Variants in SGSH observed in about 807,000 individuals in gnomAD.
SGSH encodes the protein heparan sulfate sulfatase.
A neutral mutation model predicts 51.0 loss-of-function variants in SGSH; 48 were observed. The observed-to-expected ratio is 0.94, with a 90% CI of 0.75 to 1.20. The LOEUF (loss-of-function observed/expected upper bound fraction) is 1.20. Ranked by LOEUF, SGSH falls within the 50% of genes most tolerant of loss-of-function variation. SGSH has a pLI of 0.00. For missense variants in SGSH, 662 were observed against 717.8 expected (o/e 0.92, Z 0.89); for synonymous variants, 321 against 313.4 (o/e 1.02, Z -0.26).
chr17:80,216,221 C>T (rs892721769), intron 2 of SGSH, among the ~76,000 whole-genome samples: 5 of 151,840 alleles, frequency 3.3e-5, no homozygotes, highest in African/African-American at 7.3e-5. Flanking sequence ...CCCAGCTACT[C>T]GGGAGGCTGA....
At chr17:80,204,370 C>T (rs375757170), downstream of SGSH, 85 of 1,524,320 alleles carry the variant, frequency 5.6e-5, no homozygotes, top group East Asian at 1.3e-3. Context: ...GCACAGGGGC[C>T]ACTGGCTCCA....
downstream of SGSH, chr17:80,203,510 T>G: frequency 4.5e-5 from 13 of 291,246 alleles, no homozygotes; most frequent in East Asian, 1.9e-4. The surrounding 1 kb of genome is among the most constrained non-coding windows in gnomAD (Gnocchi z 4.6). Flanking sequence ...GGACCCACCA[T>G]GAATATTGAG....
chr17:80,216,848 G>A (rs1342507174), intron 2 of SGSH, 184 bp downstream of exon 2: 1 of 619,438 alleles, frequency 1.6e-6, no homozygotes, highest in African/African-American at 1.8e-5. Context: ...GCCAGGGCTG[G>A]CGGGTGAGTC....
chr17:80,214,904 C>A, intron 3 of SGSH, 129 bp downstream of exon 3: 1 of 1,312,388 alleles, frequency 7.6e-7, no homozygotes, highest in East Asian at 2.4e-5. Context: ...GGCCCAGATC[C>A]TTTGGGACAA....
In SGSH at chr17:80,217,134, G is replaced by C. The variant is rs780614886; in HGVS notation, c.147C>G (p.His49Gln). 6.2e-6 allele frequency: 10 copies of C among 1,601,260 alleles called. No individual in the cohort carries two copies. Among genetic ancestry groups the C allele is most frequent in the Non-Finnish European group, 8.5e-6 (10 of 1,175,952 alleles). ...GGCTGCGGCGGGCCAAGGCGTCCAG[G>C]TGCGGGGTGGCGATGGCGCTGTTGT... ...AYNNSAIATPHLDALARRSLL... is the reference protein window; with the variant it reads ...AYNNSAIATPQLDALARRSLL... Residue 49 changes from histidine to glutamine, a missense_variant, in exon 2 of 8, where the codon CAC (histidine) becomes CAG (glutamine). Physicochemically the swap from His to Gln is conservative, Grantham distance 24. Transcript: ENST00000326317.
intron 1 of SGSH, among the ~76,000 whole-genome samples, chr17:80,217,779 G>A (rs955589015): frequency 4.7e-5 from 7 of 149,738 alleles, no homozygotes; most frequent in African/African-American, 1.5e-4. Context: ...GGGATGATGC[G>A]TGGTTGGTAT....
At position 80,210,533 on chromosome 17, in the gene SGSH, G is replaced by A. The variant is rs139460639; in HGVS notation, c.1428C>T (p.His476=). 1.7e-4 allele frequency: 270 copies of A among 1,611,568 alleles called. No homozygotes were observed. In the African/African-American group the frequency reaches 1.9e-3, roughly 11 times the overall value. ...DQLAKWQWET[H]DPWVCAPDGV... is the part of the protein sequence containing the mutation. ...CGTCGGGGGCGCACACCCAGGGGTCGTGGGTCTCCCACTGCCACTTGGCCA... is the reference window on the plus strand; with the variant it reads ...CGTCGGGGGCGCACACCCAGGGGTCATGGGTCTCCCACTGCCACTTGGCCA... Residue 476 remains histidine (H), a synonymous_variant, in exon 8 of 8, where the codon CAC becomes CAT. Transcript: ENST00000326317.
chr17:80,205,674 G>T, downstream of SGSH: 1 of 1,518,346 alleles, frequency 6.6e-7, no homozygotes. Context: ...GGCGGGGTGG[G>T]CAGGGGAGCT....
chr17:80,214,744 A>AC lies in SGSH; in HGVS notation c.376dup (p.Val126GlyfsTer10), dbSNP rs1555621971. On this transcript the variant is annotated frameshift_variant, in exon 4 of 8. Coordinates refer to ENST00000326317, the MANE Select transcript of SGSH (RefSeq NM_000199.5). LOFTEE classifies it high-confidence loss of function. ...AAACGGGTACACGGTCTCCGGCCCC[A>AC]CGTGCTTCTTCCCGATGATGCCTGG... 7 of 1,612,472 alleles carry AC rather than the reference A, an allele frequency of 4.3e-6. No homozygotes were observed. Among genetic ancestry groups the AC allele is most frequent in the Non-Finnish European group, 5.9e-6 (7 of 1,180,014 alleles).
downstream of SGSH, chr17:80,203,747 C>G: frequency 8.5e-7 from 1 of 1,170,572 alleles, no homozygotes; most frequent in Middle Eastern, 2.4e-4. The surrounding 1 kb of genome is among the most constrained non-coding windows in gnomAD (Gnocchi z 4.6). Flanking sequence ...CCCCCACTCT[C>G]CCCTGCTCGG....
At chr17:80,208,119 C>G (rs111745899), downstream of SGSH, 291 of 1,501,216 alleles carry the variant, frequency 1.9e-4, 1 homozygote, top group African/African-American at 2.0e-3. Context: ...CCCGCCCCCC[C>G]CAACTCTGGC....
chr17:80,207,205 G>T, downstream of SGSH: 3 of 642,954 alleles, frequency 4.7e-6, no homozygotes, highest in Non-Finnish European at 7.9e-6. Context: ...GCGCTGACAG[G>T]GCCGTTTCCG....
chr17:80,210,712 C>T lies in SGSH; in HGVS notation c.1249G>A (p.Ala417Thr). Residue 417 changes from alanine (A) to threonine (T), a missense_variant, in exon 8 of 8, where the codon GCT (alanine) becomes ACT (threonine). By Grantham distance (58) the Ala-to-Thr change is moderately conservative (BLOSUM62 0). Transcript: ENST00000326317. ...TTGTACCAGCCCGTGGGCTGACCAGCTGTGGTGCGGTTCAGGAGGTCCTGG... is the reference window on the plus strand; with the variant it reads ...TTGTACCAGCCCGTGGGCTGACCAGTTGTGGTGCGGTTCAGGAGGTCCTGG... ...TFQDLLNRTT[A>T]GQPTGWYKDL... The T allele has an allele frequency of 2.5e-6, 4 of 1,614,058 alleles. No individual in the cohort carries two copies. Among genetic ancestry groups the T allele is most frequent in the Non-Finnish European group, 3.4e-6 (4 of 1,180,022 alleles).
At position 80,211,218 on chromosome 17, in the gene SGSH, G is replaced by A. The variant is rs571720544; in HGVS notation, c.950-207C>T. The A allele has an allele frequency of 1.8e-4, 247 of 1,411,222 alleles. 1 individual carries two copies. Among genetic ancestry groups the A allele is most frequent in the Middle Eastern group, 2.6e-4 (1 of 3,874 alleles). 87.4% of individuals were successfully genotyped at this position (1,411,222 alleles called of 1,614,324 possible). A position where few individuals can be genotyped will look rare whatever the true frequency, so the allele number is the denominator to read the frequency against. ...ATGGTATAACAAGAGGCCCTGATTC[G>A]GTGACATTTAGGATCCTTCTAAAAT... On this transcript the variant is annotated intron_variant, in intron 7 of 7. Transcript: ENST00000326317.
chr17:80,213,742 T>C lies in SGSH; in HGVS notation c.745+62A>G. ...ATTATGCCGTGACCTAAGAGGGCGC[T>C]GGCCCAGGATGGGGGACCCCGGCCG... On this transcript the variant is annotated intron_variant, in intron 6 of 7. Coordinates refer to ENST00000326317, the MANE Select transcript of SGSH (RefSeq NM_000199.5). This position sits in a 1 kb window ranked among gnomAD's most constrained non-coding sequence, Gnocchi z 4.6. 4 of 1,407,800 alleles carry C rather than the reference T, an allele frequency of 2.8e-6. No homozygotes were observed. The highest frequency in any genetic ancestry group is 2.4e-4 in the Middle Eastern group (1 of 4,242). 87.2% of individuals were successfully genotyped at this position (1,407,800 alleles called of 1,614,324 possible). A position where few individuals can be genotyped will look rare whatever the true frequency, so the allele number is the denominator to read the frequency against.
chr17:80,210,475 G>A lies in SGSH; in HGVS notation c.1486C>T (p.Gln496Ter), dbSNP rs1232231848. 1 of 1,599,456 alleles carries A rather than the reference G, an allele frequency of 6.3e-7. No homozygotes were observed. Among genetic ancestry groups the A allele is most frequent in the South Asian group, 1.1e-5 (1 of 90,674 alleles). Residue 496 changes from glutamine to a stop codon, truncating the protein, a stop_gained, in exon 8 of 8, where the codon CAG becomes TAG. Transcript: ENST00000326317. LOFTEE classifies it high-confidence loss of function. ...GGTCACAGCTCATTGTGGAGGGGCT[G>A]GCACTGGGGAGAGAGCTTCTCCTCC... ...VLEEKLSPQC[Q>*]PLHNEL
chr17:80,207,098 T>C, downstream of SGSH: 1 of 1,597,536 alleles, frequency 6.3e-7, no homozygotes, highest in Admixed American at 1.7e-5. Flanking sequence ...AGGTGCACGC[T>C]GGGGGCTGGG....
downstream of SGSH, chr17:80,208,250 G>T (rs767247623): frequency 6.3e-7 from 1 of 1,583,608 alleles, no homozygotes; most frequent in East Asian, 2.3e-5. Flanking sequence ...GGCTCCTGAC[G>T]GCTGGAGCGA....
chr17:80,206,006 A>G (rs190909763), downstream of SGSH: 151 of 186,298 alleles, frequency 8.1e-4, 4 homozygotes, highest in East Asian at 0.022. Flanking sequence ...GTGTCTGCAC[A>G]GGCACGGGAA....
Sources: gnomAD v4.1 joint callset for allele counts (sites outside exome capture counted in the v4.1 genomes callset) on GRCh38, gnomAD v4.1.1 for gene constraint, Gnocchi (gnomAD v3.1) non-coding constraint, MANE v1.5 for transcripts, NCBI Gene and HGNC (gene_info 2026-07-23, HGNC 2026-07-21) for gene names.